DOCK9: variants seen among roughly 807,000 people sequenced by gnomAD.
The protein encoded by DOCK9 is dedicator of cytokinesis protein 9.
DOCK9 carries 89 observed loss-of-function variants against 263.3 expected under a neutral mutation model. That is an observed-to-expected ratio of 0.34 (90% CI 0.28 to 0.40). The LOEUF (loss-of-function observed/expected upper bound fraction) is 0.40. Ranked by LOEUF, DOCK9 falls within the 10% of genes least tolerant of loss-of-function variation. The pLI is 1.00. For missense variants in DOCK9, 2,140 were observed against 2,603.4 expected, an observed-to-expected ratio of 0.82 and a Z score of 3.87; for synonymous variants, 976 against 973.1, an observed-to-expected ratio of 1.00 and a Z score of -0.06.
At chr13:98,971,422 T>C (rs1265668871) in intron 1 of DOCK9, among the ~76,000 whole-genome samples, 1 of 152,012 alleles carries the variant, frequency 6.6e-6, no homozygotes, top group Non-Finnish European at 1.5e-5. Context: ...AAAAGGAAAA[T>C]AGGGGCCGGG....
chr13:98,913,721 T>C (rs1162860420), intron 9 of DOCK9, among the ~76,000 whole-genome samples: 3 of 152,228 alleles, frequency 2.0e-5, no homozygotes, highest in African/African-American at 7.2e-5. Flanking sequence ...CGATGTTTTA[T>C]ATCTTTTAAG....
chr13:98,825,611 A>G lies in DOCK9; in HGVS notation c.5024-1107T>C, dbSNP rs2092492412. 6.6e-6 allele frequency among the ~76,000 whole-genome samples: 1 copy of G among 152,192 alleles called. No homozygotes were observed. Among genetic ancestry groups the G allele is most frequent in the Admixed American group, 6.5e-5 (1 of 15,284 alleles). The stretch of plus-strand genomic sequence containing the variant: ...ACATTAACATACAAACTGTAAAATT[A>G]AAAAAACCAACCACCCATGCTCTAG... On this transcript the variant is annotated intron_variant, in intron 44 of 52. Coordinates refer to ENST00000682017, the MANE Select transcript of DOCK9 (RefSeq NM_001366683.2). The surrounding 1 kb of genome is among the most constrained non-coding windows in gnomAD (Gnocchi z 4.1).
chr13:98,995,679 G>A (rs766573483), intron 1 of DOCK9, among the ~76,000 whole-genome samples: 6 of 151,968 alleles, frequency 3.9e-5, no homozygotes, highest in Non-Finnish European at 7.4e-5. Flanking sequence ...CAGTAGAGAC[G>A]GGGTTTCAGC....
At chr13:98,843,143 T>G (rs1033306404) in intron 38 of DOCK9, among the ~76,000 whole-genome samples, 1 of 152,188 alleles carries the variant, frequency 6.6e-6, no homozygotes, top group Non-Finnish European at 1.5e-5. Flanking sequence ...ACAATGCAGA[T>G]GTACAGGGAC....
chr13:98,930,769 C>G (rs1436697829), intron 2 of DOCK9, among the ~76,000 whole-genome samples: 1 of 152,072 alleles, frequency 6.6e-6, no homozygotes, highest in African/African-American at 2.4e-5. Context: ...CTCAGCCTCC[C>G]GAGTAGCTGG....
intron 1 of DOCK9, among the ~76,000 whole-genome samples, chr13:99,028,478 C>G (rs1010195271): frequency 2.6e-5 from 4 of 152,030 alleles, no homozygotes; most frequent in African/African-American, 9.7e-5. Context: ...AAACAAGGAA[C>G]AGGTAACAGG....
chr13:99,085,740 G>C (rs1277293365), intron 1 of DOCK9, among the ~76,000 whole-genome samples: 1 of 151,978 alleles, frequency 6.6e-6, no homozygotes, highest in Non-Finnish European at 1.5e-5. Context: ...CCAACTCAAA[G>C]GGTTAGCAGG....
intron 45 of DOCK9, among the ~76,000 whole-genome samples, chr13:98,814,935 CAAAATAAAATAAAAT>C (rs66599481): frequency 0.064 from 8,364 of 131,100 alleles, 829 homozygotes; most frequent in African/African-American, 0.21. Context: ...GATTCTGTCT[CAAAATAAAATAAAAT>C]AAAATAAAAT....
intron 1 of DOCK9, among the ~76,000 whole-genome samples, chr13:99,070,421 C>A (rs1233998655): frequency 2.6e-5 from 4 of 152,222 alleles, no homozygotes; most frequent in African/African-American, 9.6e-5. Context: ...TGTTTTCACA[C>A]AATTGTGACC....
At chr13:98,962,245 T>TA (rs1441148441) in intron 1 of DOCK9, among the ~76,000 whole-genome samples, 4 of 152,350 alleles carry the variant, frequency 2.6e-5, no homozygotes, top group Admixed American at 2.6e-4. Flanking sequence ...GGTTCATTGA[T>TA]AAAAATGTGT....
intron 1 of DOCK9, among the ~76,000 whole-genome samples, chr13:99,006,817 T>C (rs907835781): frequency 1.3e-5 from 2 of 151,990 alleles, no homozygotes; most frequent in Admixed American, 6.6e-5. Flanking sequence ...CATGGTGGGG[T>C]GTGGTGGCTC....
chr13:98,807,927 T>C, intron 47 of DOCK9, 120 bp from the exon 48 acceptor site: 2 of 781,452 alleles, frequency 2.6e-6, no homozygotes, highest in Non-Finnish European at 1.9e-6. Flanking sequence ...CCTGCTGAAA[T>C]GGGCTTTCTG....
chr13:98,860,052 C>T, intron 33 of DOCK9: 1 of 432,864 alleles, frequency 2.3e-6, no homozygotes, highest in Non-Finnish European at 3.4e-6. Flanking sequence ...ATTGCTAACA[C>T]TACAAATCAG....
chr13:98,924,982 C>T lies in DOCK9; in HGVS notation c.416+855G>A, dbSNP rs140122225. 4.0e-3 allele frequency among the ~76,000 whole-genome samples: 612 copies of T among 151,902 alleles called. 5 individuals are homozygous for T. Among genetic ancestry groups the T allele is most frequent in the African/African-American group, 0.014 (579 of 41,440 alleles). The stretch of plus-strand genomic sequence containing the variant: ...GAGTTCGAGACCAGCCTGGCCAACA[C>T]GGTGAAACCCTGTCTCTACTAAAAA... On this transcript the variant is annotated intron_variant, in intron 4 of 52. Transcript: ENST00000682017.
chr13:98,914,677 C>T (rs540077935), intron 8 of DOCK9, among the ~76,000 whole-genome samples: 3 of 152,218 alleles, frequency 2.0e-5, no homozygotes, highest in East Asian at 3.9e-4. Context: ...CATGAGACCC[C>T]CTAAAAGTCA....
chr13:98,929,102 TA>T (rs1007660817), intron 3 of DOCK9, among the ~76,000 whole-genome samples: 19 of 151,352 alleles, frequency 1.3e-4, no homozygotes, highest in East Asian at 3.9e-4. Context: ...AAACCAGGAT[TA>T]AAAAAAAATC....
intron 1 of DOCK9, among the ~76,000 whole-genome samples, chr13:99,021,542 G>A (rs1011066746): frequency 6.6e-6 from 1 of 150,652 alleles, no homozygotes; most frequent in Non-Finnish European, 1.5e-5. Flanking sequence ...GGGAGGCTGA[G>A]ACAGGAGAAT....
rs763889573 is a variant in DOCK9 at position 98,881,996 on chromosome 13, C to A, written c.2571G>T (p.Ala857=). ...ELVKYLKSLH[A]MEGHVMIAFL... ...AGGCGATCATCACGTGGCCTTCCATCGCATGCAGACTCTACGGACACAGAA... is the reference window on the plus strand; with the variant it reads ...AGGCGATCATCACGTGGCCTTCCATAGCATGCAGACTCTACGGACACAGAA... Residue 857 remains alanine, a synonymous_variant, in exon 24 of 53, where the codon GCG becomes GCT. Coordinates refer to ENST00000682017, the MANE Select transcript of DOCK9 (RefSeq NM_001366683.2). The A allele has an allele frequency of 6.3e-7, 1 of 1,588,708 alleles. No homozygotes were observed. Among genetic ancestry groups the A allele is most frequent in the African/African-American group, 1.3e-5 (1 of 74,636 alleles).
chr13:98,902,134 A>G (rs1013588913), intron 12 of DOCK9, among the ~76,000 whole-genome samples, 154 bp downstream of exon 12: 1 of 152,246 alleles, frequency 6.6e-6, no homozygotes, highest in African/African-American at 2.4e-5. Context: ...CTTATTTCTC[A>G]GCTTGCTTTT....
Sources: allele counts gnomAD v4.1 joint callset (sites outside exome capture counted in the v4.1 genomes callset), GRCh38; gene constraint gnomAD v4.1.1; non-coding constraint Gnocchi (gnomAD v3.1); transcripts MANE v1.5; gene names NCBI Gene and HGNC (gene_info 2026-07-23, HGNC 2026-07-21).